Variants in OSMR observed in about 807,000 individuals in gnomAD.
OSMR encodes the protein oncostatin M receptor.
OSMR carries 81 observed loss-of-function variants against 99.9 expected under a neutral mutation model. The ratio of observed to expected loss-of-function variants is 0.81; its 90% CI spans 0.68 to 0.97. The LOEUF is 0.97. Among genes scored for constraint, OSMR ranks in the 50% least tolerant of loss-of-function variants. OSMR has a pLI of 0.00. For synonymous variants in OSMR, 406 were observed against 410.4 expected (o/e 0.99, Z 0.13); for missense variants, 1,099 against 1,153.4 (o/e 0.95, Z 0.68).
chr5:38,921,916 C>A, intron 12 of OSMR, 122 bp downstream of exon 12: 1 of 809,868 alleles, frequency 1.2e-6, no homozygotes, highest in Non-Finnish European at 2.1e-6. Context: ...AACGACAAAT[C>A]CAGCATGGGT....
At chr5:38,858,588 C>G (rs1421706895) in intron 1 of OSMR, among the ~76,000 whole-genome samples, 1 of 152,092 alleles carries the variant, frequency 6.6e-6, no homozygotes, top group Non-Finnish European at 1.5e-5. Flanking sequence ...GCAGGGATCC[C>G]TTTTATATAC....
chr5:38,897,906 AGTTTCCAAAATTCCTC>A (rs1358695236), intron 7 of OSMR, among the ~76,000 whole-genome samples: 1 of 152,082 alleles, frequency 6.6e-6, no homozygotes, highest in Admixed American at 6.6e-5. Context: ...TGTAGTTTAT[AGTTTCCAAAATTCCTC>A]TTGTTATTGA....
chr5:38,922,817 C>G (rs114079248), intron 12 of OSMR, among the ~76,000 whole-genome samples: 2 of 152,024 alleles, frequency 1.3e-5, no homozygotes, highest in Non-Finnish European at 2.9e-5. Flanking sequence ...GCTGTGTTAC[C>G]CAGGCTGGAG....
chr5:38,885,985 T>G (rs1360921698), intron 6 of OSMR, 54 bp from the exon 7 acceptor site: 21 of 1,603,724 alleles, frequency 1.3e-5, no homozygotes, highest in Non-Finnish European at 1.6e-5. Flanking sequence ...TACATTTGCT[T>G]TGACAAAAGT....
At chr5:38,943,389 A>G (rs1000489836) in intron 1 of OSMR, 13 of 162,030 alleles carry the variant, frequency 8.0e-5, no homozygotes, top group Admixed American at 2.4e-4. Context: ...CTAGGAAAGC[A>G]CCTCAGAATC....
intron 1 of OSMR, among the ~76,000 whole-genome samples, chr5:38,858,965 T>C (rs566737150): frequency 6.6e-6 from 1 of 152,298 alleles, no homozygotes; most frequent in Middle Eastern, 3.4e-3. Context: ...TTTGTTGTTA[T>C]TGTTGAGTTG....
intron 1 of OSMR, among the ~76,000 whole-genome samples, chr5:38,868,600 A>G (rs1267899169): frequency 6.6e-6 from 1 of 151,580 alleles, no homozygotes; most frequent in Non-Finnish European, 1.5e-5. Context: ...AGTACTTTTC[A>G]CCTCCTGCCA....
Position 38,918,941 on chromosome 5 carries a change from A to G in OSMR, c.1464A>G (p.Ala488=), listed in dbSNP as rs1301218435. The part of the protein sequence containing the change: ...PSSSELHSIP[A]PANSTKLILD... Reference sequence around the variant, plus strand: ...GTTCAGAGCTCCATTCCATTCCAGCACCAGCCAACAGCACAAAACTAATCC... The same window carrying G: ...GTTCAGAGCTCCATTCCATTCCAGCGCCAGCCAACAGCACAAAACTAATCC... The change falls in exon 11 of 18, where the codon GCA becomes GCG. Residue 488 remains alanine, a synonymous_variant. Coordinates refer to ENST00000274276, the MANE Select transcript of OSMR (RefSeq NM_003999.3). The G allele has an allele frequency of 2.5e-6, 4 of 1,614,184 alleles. No individual in the cohort carries two copies. The East Asian group carries it at 8.9e-5, about 36-fold the overall frequency.
At chr5:38,849,966 G>C (rs939450129) in intron 1 of OSMR, among the ~76,000 whole-genome samples, 1 of 152,112 alleles carries the variant, frequency 6.6e-6, no homozygotes, top group African/African-American at 2.4e-5. Context: ...TGCTAGCTGG[G>C]ATCTTTTTCA....
intron 9 of OSMR, among the ~76,000 whole-genome samples, chr5:38,913,528 C>T (rs928809976): frequency 3.5e-5 from 5 of 141,466 alleles, no homozygotes; most frequent in Admixed American, 1.4e-4. Flanking sequence ...CCAGCCTGGA[C>T]GACAGAGTGA....
At chr5:38,879,586 A>G (rs1743102499) in intron 3 of OSMR, among the ~76,000 whole-genome samples, 1 of 150,866 alleles carries the variant, frequency 6.6e-6, no homozygotes, top group Admixed American at 6.6e-5. Flanking sequence ...ACTTCCTTCT[A>G]GCAGGGGTCT....
At chr5:38,884,717 A>C (rs777102207) in intron 5 of OSMR, among the ~76,000 whole-genome samples, 1 of 152,194 alleles carries the variant, frequency 6.6e-6, no homozygotes, top group Non-Finnish European at 1.5e-5. Context: ...CATCGGATAC[A>C]TTAGTGGAGT....
At position 38,880,812 on chromosome 5, in the gene OSMR, C is replaced by T. The variant is rs647194; in HGVS notation, c.247-781C>T. 7.9e-5 allele frequency among the ~76,000 whole-genome samples: 12 copies of T among 152,126 alleles called. No individual in the cohort carries two copies. The South Asian group carries it at 2.1e-3, about 26-fold the overall frequency. ...CTTGCATGACAGGGCAAGGTGTAAA[C>T]GGGCCTTTGAAGCCTGTGGAATTAG... On this transcript the variant is annotated intron_variant, in intron 3 of 17. Coordinates refer to ENST00000274276, the MANE Select transcript of OSMR (RefSeq NM_003999.3).
At chr5:38,881,547 G>A (rs1743283297) in intron 3 of OSMR, 46 bp from the exon 4 acceptor site, 2 of 1,613,848 alleles carry the variant, frequency 1.2e-6, no homozygotes. Flanking sequence ...CTATTTTATA[G>A]GACAAGATGG....
intron 13 of OSMR, among the ~76,000 whole-genome samples, chr5:38,923,677 C>A (rs357291): frequency 0.58 from 88,120 of 152,002 alleles, 25,945 homozygotes; most frequent in African/African-American, 0.67. Flanking sequence ...CCACTGTCCC[C>A]CCAGCAGTGG....
At chr5:38,911,762 G>A (rs539203540) in intron 9 of OSMR, among the ~76,000 whole-genome samples, 8 of 152,256 alleles carry the variant, frequency 5.3e-5, no homozygotes, top group South Asian at 4.1e-4. Context: ...GTCAGCCTAC[G>A]CAAATCACTA....
At position 38,933,246 on chromosome 5, in the gene OSMR, T is replaced by C. The variant is rs1435861889; in HGVS notation, c.2742T>C (p.Ser914=). 6.2e-7 allele frequency: 1 copy of C among 1,613,956 alleles called. No individual in the cohort carries two copies. Among genetic ancestry groups the C allele is most frequent in the Non-Finnish European group, 8.5e-7 (1 of 1,179,960 alleles). The change falls in exon 18 of 18, where the codon AGT becomes AGC. Residue 914 remains serine (S), a synonymous_variant. Coordinates refer to ENST00000274276, the MANE Select transcript of OSMR (RefSeq NM_003999.3). ...SLGEIPAGET[S]LNYVSQLASP... ...GAGAAATCCCAGCTGGAGAAACAAG[T>C]TTGAATTATGTGTCCCAGTTGGCTT...
At chr5:38,869,326 AC>A in intron 2 of OSMR, among the ~76,000 whole-genome samples, 1 of 152,316 alleles carries the variant, frequency 6.6e-6, no homozygotes, top group Admixed American at 6.5e-5. Flanking sequence ...TTAATAAGCC[AC>A]CCTTTGACCC....
rs554762238 is a variant in OSMR at position 38,934,193 on chromosome 5, T to C, written c.*749T>C. The C allele has an allele frequency of 2.6e-5, 4 of 152,790 alleles. No individual in the cohort carries two copies. The highest frequency in any genetic ancestry group is 9.6e-5 in the African/African-American group (4 of 41,582). 9.5% of individuals were successfully genotyped at this position (152,790 alleles called of 1,614,324 possible). A position where few individuals can be genotyped will look rare whatever the true frequency, so the allele number is the denominator to read the frequency against. ...AGACATCAGTATTCTGCCATCATTT[T>C]TGATGACTACCTCAGAACATAAAAA... On this transcript the variant is annotated 3_prime_UTR_variant, in exon 18 of 18. Transcript: ENST00000274276.
Sources: allele counts gnomAD v4.1 joint callset (sites outside exome capture counted in the v4.1 genomes callset), GRCh38; gene constraint gnomAD v4.1.1; transcripts MANE v1.5; gene names NCBI Gene and HGNC (gene_info 2026-07-23, HGNC 2026-07-21).